MAML3: variants seen among roughly 807,000 people sequenced by gnomAD.
MAML3 encodes mastermind-like protein 3.
MAML3 carries 27 observed loss-of-function variants against 101.9 expected under a neutral mutation model. That is an observed-to-expected ratio of 0.27 (90% confidence interval 0.20 to 0.37). The LOEUF (loss-of-function observed/expected upper bound fraction) is 0.37. Ranked by LOEUF, MAML3 falls within the 10% of genes least tolerant of loss-of-function variation. MAML3 has a pLI of 1.00. For missense variants in MAML3, 1,316 were observed against 1,444.9 expected (o/e 0.91, Z 1.45); for synonymous variants, 501 against 555.9 (o/e 0.90, Z 1.39).
At position 139,861,077 on chromosome 4, in the gene MAML3, C is replaced by T. The variant is rs570085059; in HGVS notation, c.2079+28280G>A. On this transcript the variant is annotated intron_variant, in intron 2 of 4. Transcript: ENST00000509479. ...ACTAAAAGATGAGACCTTCCTTTTC[C>T]CTGGCAGACCTGAAACCACAATGCG... Among the ~76,000 whole-genome samples the T allele has an allele frequency of 2.0e-5, 3 of 152,014 alleles. No individual in the cohort carries two copies. The South Asian group carries it at 6.3e-4, about 32-fold the overall frequency.
chr4:139,994,435 C>T (rs1346401453), intron 1 of MAML3, among the ~76,000 whole-genome samples: 1 of 152,132 alleles, frequency 6.6e-6, no homozygotes, highest in Admixed American at 6.5e-5. Flanking sequence ...GAGGCTGAAG[C>T]AGGAGGATTG....
chr4:140,048,735 C>G (rs1213752377), intron 1 of MAML3, among the ~76,000 whole-genome samples: 1 of 152,178 alleles, frequency 6.6e-6, no homozygotes, highest in East Asian at 1.9e-4. Flanking sequence ...TGCTTAGACC[C>G]TGCCAAGACT....
At chr4:139,792,393 T>C (rs1730430928) in intron 2 of MAML3, among the ~76,000 whole-genome samples, 1 of 152,222 alleles carries the variant, frequency 6.6e-6, no homozygotes, top group South Asian at 2.1e-4. Context: ...AGTTTAAAAA[T>C]ATTTAGGATA....
At chr4:139,989,819 G>A (rs1375091368) in intron 1 of MAML3, among the ~76,000 whole-genome samples, 2 of 149,118 alleles carry the variant, frequency 1.3e-5, no homozygotes, top group African/African-American at 5.0e-5. Context: ...TGGTACCACT[G>A]CTGACCCCTG....
rs549211635 is a variant in MAML3, at chr4:140,035,193, C to T, written c.468+117667G>A. Among the ~76,000 whole-genome samples the T allele has an allele frequency of 7.2e-5, 11 of 152,194 alleles. 1 individual carries two copies. The South Asian group carries it at 1.9e-3, about 26-fold the overall frequency. On this transcript the variant is annotated intron_variant, in intron 1 of 4. Coordinates refer to ENST00000509479, the MANE Select transcript of MAML3 (RefSeq NM_018717.5). ...TTCACCATGTTGGCAAGGCTGGTTTCGAACTCCTGACCTCAAGTGACACAC... is the reference window on the plus strand; with the variant it reads ...TTCACCATGTTGGCAAGGCTGGTTTTGAACTCCTGACCTCAAGTGACACAC...
intron 1 of MAML3, among the ~76,000 whole-genome samples, chr4:140,030,541 C>CT (rs575451267): frequency 5.8e-4 from 89 of 152,210 alleles, no homozygotes; most frequent in Non-Finnish European, 1.1e-3. Context: ...CCACCTTTTC[C>CT]TTTTTGTCCC....
Position 139,753,662 on chromosome 4 carries a change from A to G in MAML3, c.2080-22995T>C, listed in dbSNP as rs182347278. Among the ~76,000 whole-genome samples, 12 of 152,348 alleles carry G rather than the reference A, an allele frequency of 7.9e-5. 1 individual carries two copies. In the East Asian group the frequency reaches 2.3e-3, roughly 29 times the overall value. ...TGCTCCTTCCCTACATACATCCCTG[A>G]GGCTGAGGTGAGAATTAATAAGTTT... On this transcript the variant is annotated intron_variant, in intron 2 of 4. Transcript: ENST00000509479.
chr4:140,039,364 C>T (rs992319238), intron 1 of MAML3, among the ~76,000 whole-genome samples: 1 of 152,080 alleles, frequency 6.6e-6, no homozygotes, highest in African/African-American at 2.4e-5. Flanking sequence ...AGCGGAAATC[C>T]ACAGGCCCAC....
intron 1 of MAML3, among the ~76,000 whole-genome samples, chr4:140,011,342 GT>G (rs1251237879): frequency 3.2e-5 from 3 of 93,068 alleles, no homozygotes; most frequent in African/African-American, 9.3e-5. Flanking sequence ...TTCTTGTTTT[GT>G]TTTTTTTTTT....
chr4:140,152,188 TCCGCGCGCGCTCCCGCGAGCACCC>T (rs1296189483), intron 1 of MAML3, among the ~76,000 whole-genome samples: 1 of 152,118 alleles, frequency 6.6e-6, no homozygotes, highest in Admixed American at 6.5e-5. Flanking sequence ...GCGCCCCGCA[TCCGCGCGCGCTCCCGCGAGCACCC>T]CCGCGCGCAG....
chr4:140,127,750 T>C (rs1303662987), intron 1 of MAML3, among the ~76,000 whole-genome samples: 1 of 152,038 alleles, frequency 6.6e-6, no homozygotes, highest in Admixed American at 6.6e-5. Context: ...ACATCAACAC[T>C]ATGAGGAAGG....
chr4:139,979,814 T>C (rs1458012018), intron 1 of MAML3, among the ~76,000 whole-genome samples: 1 of 152,184 alleles, frequency 6.6e-6, no homozygotes, highest in Non-Finnish European at 1.5e-5. Context: ...CTTCCCAGCC[T>C]CTAGAACTGT....
intron 1 of MAML3, among the ~76,000 whole-genome samples, chr4:140,104,639 C>T (rs917621764): frequency 1.4e-4 from 21 of 149,556 alleles, no homozygotes; most frequent in South Asian, 1.3e-3. Context: ...ATTACAGGCA[C>T]GCAACATCAT....
chr4:139,911,027 T>C (rs1280365528), intron 1 of MAML3, among the ~76,000 whole-genome samples: 3 of 152,188 alleles, frequency 2.0e-5, no homozygotes, highest in African/African-American at 4.8e-5. Context: ...AAACTCTGTG[T>C]TCATGAAACA....
intron 1 of MAML3, among the ~76,000 whole-genome samples, chr4:139,969,771 C>T (rs544109348): frequency 2.6e-5 from 4 of 152,142 alleles, no homozygotes; most frequent in African/African-American, 4.8e-5. Flanking sequence ...ACATGCCTCC[C>T]CTATCTATCT....
At chr4:139,968,163 C>G (rs893853650) in intron 1 of MAML3, among the ~76,000 whole-genome samples, 4 of 151,666 alleles carry the variant, frequency 2.6e-5, no homozygotes, top group South Asian at 2.1e-4. Flanking sequence ...CCTATAGTCT[C>G]GGCTAAGTCA....
At chr4:140,101,878 A>C (rs1032302389) in intron 1 of MAML3, among the ~76,000 whole-genome samples, 27 of 148,448 alleles carry the variant, frequency 1.8e-4, no homozygotes, top group Non-Finnish European at 3.0e-4. Context: ...CATTTGCCAG[A>C]TTCCCCTTGT....
At chr4:140,096,687 A>G (rs1370936695) in intron 1 of MAML3, among the ~76,000 whole-genome samples, 5 of 152,286 alleles carry the variant, frequency 3.3e-5, no homozygotes, top group African/African-American at 1.2e-4. Context: ...AAAAGAACAC[A>G]AAGTACATAG....
chr4:139,880,887 A>C (rs576806304), intron 2 of MAML3, among the ~76,000 whole-genome samples: 2 of 152,302 alleles, frequency 1.3e-5, no homozygotes, highest in African/African-American at 2.4e-5. Context: ...ACAATACAGG[A>C]ATAAAAATGA....
Sources: allele counts gnomAD v4.1 joint callset (sites outside exome capture counted in the v4.1 genomes callset), GRCh38; gene constraint gnomAD v4.1.1; transcripts MANE v1.5; gene names NCBI Gene and HGNC (gene_info 2026-07-23, HGNC 2026-07-21).